NEGR1: variants seen among roughly 807,000 people sequenced by gnomAD.
The protein encoded by NEGR1 is IgLON family member 4.
NEGR1 carries 10 observed loss-of-function variants against 40.9 expected under a neutral mutation model. The observed-to-expected ratio is 0.24, with a 90% confidence interval of 0.15 to 0.42. NEGR1 has a LOEUF of 0.42. Among genes scored for constraint, NEGR1 ranks in the 10% least tolerant of loss-of-function variants. The probability of loss-of-function intolerance (pLI) is 1.00; values close to 1 mark genes in which losing one functional copy is unlikely to be tolerated. For missense variants in NEGR1, 352 were observed against 438.9 expected, an observed-to-expected ratio of 0.80 and a Z score of 1.77; for synonymous variants, 185 against 166.8, an observed-to-expected ratio of 1.11 and a Z score of -0.84.
intron 3 of NEGR1, among the ~76,000 whole-genome samples, chr1:71,731,199 T>C (rs1281437445): frequency 6.6e-6 from 1 of 152,144 alleles, no homozygotes; most frequent in Non-Finnish European, 1.5e-5. Context: ...GAATTTTATG[T>C]GGTATGTATT....
chr1:71,911,290 A>T (rs1431944842), intron 2 of NEGR1, among the ~76,000 whole-genome samples: 1 of 152,144 alleles, frequency 6.6e-6, no homozygotes, highest in East Asian at 1.9e-4. Context: ...TTATAATATG[A>T]TTTTTATTAA....
rs74338764 is a variant in NEGR1 at position 72,027,462 on chromosome 1, A to G, written c.177-92151T>C. ...CCATGTAAAATACAAGTTTCTCTCAAAAAAACAAAAAAACAAAAAACAGAA... is the reference window on the plus strand; with the variant it reads ...CCATGTAAAATACAAGTTTCTCTCAGAAAAACAAAAAAACAAAAAACAGAA... On this transcript the variant is annotated intron_variant, in intron 1 of 6. Transcript: ENST00000357731. Among the ~76,000 whole-genome samples the G allele has an allele frequency of 1.2e-4, 19 of 152,160 alleles. No homozygotes were observed. In the East Asian group the frequency reaches 3.5e-3, roughly 28 times the overall value.
chr1:72,102,979 A>G (rs1437341355), intron 1 of NEGR1, among the ~76,000 whole-genome samples: 1 of 152,104 alleles, frequency 6.6e-6, no homozygotes, highest in Non-Finnish European at 1.5e-5. Context: ...GGGAATAAAG[A>G]TACATATCAT....
At chr1:71,702,162 A>T (rs896120103) in intron 3 of NEGR1, among the ~76,000 whole-genome samples, 5 of 152,042 alleles carry the variant, frequency 3.3e-5, no homozygotes, top group Admixed American at 2.6e-4. Context: ...AATCAACTCA[A>T]AATCAATTGT....
At chr1:72,181,737 C>A (rs1179447473) in intron 1 of NEGR1, among the ~76,000 whole-genome samples, 1 of 152,060 alleles carries the variant, frequency 6.6e-6, no homozygotes, top group Admixed American at 6.6e-5. Context: ...CCATTTGTCA[C>A]AAGATGGATG....
At chr1:72,092,859 C>G (rs568813156) in intron 1 of NEGR1, among the ~76,000 whole-genome samples, 1 of 151,994 alleles carries the variant, frequency 6.6e-6, no homozygotes, top group South Asian at 2.1e-4. Context: ...ACCATTGTGC[C>G]CAGGCTGGTC....
chr1:71,827,482 T>C (rs1035031611), intron 2 of NEGR1, among the ~76,000 whole-genome samples: 10 of 151,746 alleles, frequency 6.6e-5, no homozygotes, highest in Non-Finnish European at 1.5e-4. Context: ...ATGCCATAGA[T>C]TTTTCCTTAC....
At chr1:72,154,380 C>T (rs571170817) in intron 1 of NEGR1, among the ~76,000 whole-genome samples, 8 of 151,888 alleles carry the variant, frequency 5.3e-5, no homozygotes, top group African/African-American at 1.4e-4. Flanking sequence ...TGTTGTTGAG[C>T]CAGTGTTCTC....
chr1:72,051,610 T>C (rs545791144), intron 1 of NEGR1, among the ~76,000 whole-genome samples: 4 of 151,622 alleles, frequency 2.6e-5, no homozygotes, highest in Non-Finnish European at 5.9e-5. Context: ...AAAAGTTTAT[T>C]TGCCAAGAAA....
chr1:72,001,467 T>A (rs1255368653), intron 1 of NEGR1, among the ~76,000 whole-genome samples: 3 of 151,816 alleles, frequency 2.0e-5, no homozygotes, highest in African/African-American at 7.3e-5. Flanking sequence ...AAATTTCATA[T>A]GGACATTAAC....
chr1:72,118,347 T>C (rs1228586654), intron 1 of NEGR1, among the ~76,000 whole-genome samples: 1 of 151,866 alleles, frequency 6.6e-6, no homozygotes, highest in African/African-American at 2.4e-5. Flanking sequence ...TACTATTTTG[T>C]ACTGTGCAGA....
intron 2 of NEGR1, among the ~76,000 whole-genome samples, chr1:71,809,015 T>C (rs997609044): frequency 9.9e-5 from 15 of 152,132 alleles, no homozygotes; most frequent in African/African-American, 2.9e-4. Context: ...CTTAGTTGCA[T>C]TGTGATTGAG....
intron 2 of NEGR1, among the ~76,000 whole-genome samples, chr1:71,849,576 A>G (rs1017070432): frequency 2.0e-5 from 3 of 152,194 alleles, no homozygotes; most frequent in African/African-American, 7.2e-5. Context: ...AGAATTTGGG[A>G]TTAACTCTAA....
chr1:71,503,111 C>T (rs1185795999), intron 6 of NEGR1, among the ~76,000 whole-genome samples: 1 of 152,168 alleles, frequency 6.6e-6, no homozygotes, highest in Admixed American at 6.5e-5. Context: ...GGACTACTCT[C>T]AAACCAGGGA....
intron 1 of NEGR1, among the ~76,000 whole-genome samples, chr1:71,943,712 T>A (rs747149555): frequency 1.4e-4 from 22 of 152,180 alleles, no homozygotes; most frequent in Non-Finnish European, 1.6e-4. Context: ...TATCAAAATA[T>A]CTTCATTTTT....
At chr1:72,179,269 C>T (rs962866406) in intron 1 of NEGR1, among the ~76,000 whole-genome samples, 2 of 151,782 alleles carry the variant, frequency 1.3e-5, no homozygotes, top group South Asian at 2.1e-4. Flanking sequence ...TGTCCTTTCC[C>T]CATTGCTTTT....
At chr1:72,216,394 T>TACAC (rs1557582775) in intron 1 of NEGR1, among the ~76,000 whole-genome samples, 2 of 139,506 alleles carry the variant, frequency 1.4e-5, no homozygotes, top group African/African-American at 5.9e-5. Flanking sequence ...CATATATATA[T>TACAC]ATATATACAT....
intron 4 of NEGR1, among the ~76,000 whole-genome samples, chr1:71,670,714 G>A (rs546864323): frequency 2.6e-5 from 4 of 152,132 alleles, no homozygotes; most frequent in Admixed American, 6.5e-5. Context: ...TTCTTGGATC[G>A]TGAATCTTTA....
intron 1 of NEGR1, among the ~76,000 whole-genome samples, chr1:72,170,118 C>T (rs1651907808): frequency 6.6e-6 from 1 of 152,092 alleles, no homozygotes; most frequent in Admixed American, 6.6e-5. Flanking sequence ...GTTCAGAAAT[C>T]TTTCTCCTGT....
Sources: gnomAD v4.1 joint callset for allele counts (sites outside exome capture counted in the v4.1 genomes callset) on GRCh38, gnomAD v4.1.1 for gene constraint, MANE v1.5 for transcripts, NCBI Gene and HGNC (gene_info 2026-07-23, HGNC 2026-07-21) for gene names.